The following FRMD4A variants were observed in gnomAD, a reference collection of about 807,000 sequenced individuals.
FRMD4A encodes FERM domain containing 4A.
FRMD4A carries 29 observed loss-of-function variants against 129.1 expected under a neutral mutation model. The ratio of observed to expected loss-of-function variants is 0.22; its 90% CI spans 0.17 to 0.31. The LOEUF (loss-of-function observed/expected upper bound fraction) is 0.31, where lower values mean the gene tolerates loss of function less well. FRMD4A is among the 10% of genes least tolerant of loss of function. FRMD4A has a pLI of 1.00. For synonymous variants in FRMD4A, 634 were observed against 571.6 expected (o/e 1.11, Z -1.56); for missense variants, 1,272 against 1,375.8 (o/e 0.92, Z 1.19).
intron 2 of FRMD4A, among the ~76,000 whole-genome samples, chr10:14,087,049 G>A (rs1836322060): frequency 6.6e-6 from 1 of 151,964 alleles, no homozygotes; most frequent in Non-Finnish European, 1.5e-5. Context: ...TGGGAATTGG[G>A]GTATGAACAC....
intron 2 of FRMD4A, among the ~76,000 whole-genome samples, chr10:13,932,556 C>T (rs2095210643): frequency 6.6e-6 from 1 of 152,172 alleles, no homozygotes; most frequent in African/African-American, 2.4e-5. Flanking sequence ...ATTGTGTTGC[C>T]TTCCTTAATC....
intron 3 of FRMD4A, among the ~76,000 whole-genome samples, chr10:13,824,894 CAAA>C (rs1165591899): frequency 1.1e-4 from 6 of 54,808 alleles, no homozygotes; most frequent in African/African-American, 3.3e-4. Context: ...GACTCTGTCT[CAAA>C]AAAAAAAAAA....
At chr10:14,303,739 T>A (rs1333801975) in intron 2 of FRMD4A, among the ~76,000 whole-genome samples, 2 of 152,138 alleles carry the variant, frequency 1.3e-5, no homozygotes, top group East Asian at 3.8e-4. Flanking sequence ...ATGGCAGCAG[T>A]AGCTTTTTCC....
chr10:14,330,295 G>T, intron 1 of FRMD4A, 112 bp from the exon 2 acceptor site: 1 of 530,078 alleles, frequency 1.9e-6, no homozygotes, highest in African/African-American at 2.0e-5. Context: ...GGTGGGAACT[G>T]TGCTTAGGGA....
intron 2 of FRMD4A, among the ~76,000 whole-genome samples, chr10:13,865,175 G>T (rs1273246321): frequency 1.3e-5 from 2 of 152,012 alleles, no homozygotes; most frequent in Non-Finnish European, 2.9e-5. Context: ...TTCCTTGTCT[G>T]TACAAGAGGG....
chr10:13,737,521 A>G (rs1477285697), intron 12 of FRMD4A, among the ~76,000 whole-genome samples: 2 of 152,188 alleles, frequency 1.3e-5, no homozygotes, highest in Admixed American at 6.5e-5. Context: ...TTTCCAAAGA[A>G]TACAGCCCTG....
intron 2 of FRMD4A, among the ~76,000 whole-genome samples, chr10:14,186,811 G>C (rs1842159607): frequency 6.6e-6 from 1 of 152,130 alleles, no homozygotes; most frequent in African/African-American, 2.4e-5. Context: ...TTGGACACAA[G>C]TTGTACCCTT....
intron 12 of FRMD4A, among the ~76,000 whole-genome samples, chr10:13,731,864 C>T (rs969407808): frequency 6.6e-6 from 1 of 151,880 alleles, no homozygotes; most frequent in African/African-American, 2.4e-5. Flanking sequence ...AAAATACTAC[C>T]GAAGTTGGCC....
At chr10:14,207,563 A>G (rs1202975865) in intron 2 of FRMD4A, among the ~76,000 whole-genome samples, 2 of 152,106 alleles carry the variant, frequency 1.3e-5, no homozygotes, top group African/African-American at 4.8e-5. Flanking sequence ...TGTATTAATT[A>G]CATTGTCCTT....
intron 3 of FRMD4A, among the ~76,000 whole-genome samples, chr10:13,836,717 C>G (rs2093879830): frequency 6.7e-6 from 1 of 150,104 alleles, no homozygotes; most frequent in Admixed American, 6.6e-5. Context: ...GAAAGACTGA[C>G]TAACCAGGGG....
intron 2 of FRMD4A, among the ~76,000 whole-genome samples, chr10:14,251,887 GCACACA>G (rs71388171): frequency 6.6e-6 from 1 of 150,690 alleles, no homozygotes; most frequent in Non-Finnish European, 1.5e-5. Flanking sequence ...GCACACATGT[GCACACA>G]CACACACACA....
Position 13,663,447 on chromosome 10 carries a change from A to G in FRMD4A, c.1660+6T>C, listed in dbSNP as rs1203994538. The G allele has an allele frequency of 1.4e-6, 2 of 1,427,396 alleles. No homozygotes were observed. Among genetic ancestry groups the G allele is most frequent in the Middle Eastern group, 1.8e-4 (1 of 5,688 alleles). The allele number at this position is 1,427,396 out of a possible 1,614,324, so 88.4% of individuals were successfully genotyped here. A position where few individuals can be genotyped will look rare whatever the true frequency, so the allele number is the denominator to read the frequency against. ...AGGTTTGTAAGCAGGAAATGCATAA[A>G]CCTACCATCCTCAAGAACAAGGGCA... On this transcript the variant is annotated splice_donor_region_variant and intron_variant, in intron 19 of 24. Coordinates refer to ENST00000357447, the MANE Select transcript of FRMD4A (RefSeq NM_018027.5).
intron 2 of FRMD4A, among the ~76,000 whole-genome samples, chr10:14,018,006 A>C (rs1309864560): frequency 2.6e-5 from 4 of 152,320 alleles, no homozygotes; most frequent in Admixed American, 2.6e-4. Context: ...GAGGATGAGT[A>C]GGGGATTCTA....
Position 13,693,955 on chromosome 10 carries a change from T to G in FRMD4A, c.1060A>C (p.Asn354His). 2 of 1,598,120 alleles carry G rather than the reference T, an allele frequency of 1.3e-6. No individual in the cohort carries two copies. The highest frequency in any genetic ancestry group is 1.7e-6 in the Non-Finnish European group (2 of 1,174,070). ...TGTLKTSKLA[N>H]MGSKGKIISG... is the part of the protein sequence containing the mutation. ...ATGATCTTCCCCTTGCTACCCATGT[T>G]GGCCAGCTTCGAGGTCTTCAGCGTC... Residue 354 changes from asparagine to histidine, a missense_variant, in exon 15 of 25, where the codon AAC (asparagine) becomes CAC (histidine). Transcript: ENST00000357447.
At chr10:14,326,492 T>C (rs918474062) in intron 2 of FRMD4A, 1 of 178,488 alleles carries the variant, frequency 5.6e-6, no homozygotes, top group African/African-American at 2.3e-5. Context: ...AATAGGGTCA[T>C]GGATGGAATT....
intron 2 of FRMD4A, among the ~76,000 whole-genome samples, chr10:14,229,883 C>T (rs1431841504): frequency 6.6e-6 from 1 of 152,230 alleles, no homozygotes. Context: ...ATCCTGTCCT[C>T]TCTACATGGG....
chr10:13,720,398 T>A (rs12219785), intron 12 of FRMD4A, among the ~76,000 whole-genome samples: 1 of 152,128 alleles, frequency 6.6e-6, no homozygotes, highest in African/African-American at 2.4e-5. Flanking sequence ...TCCACAGACA[T>A]AAGGAGGAGT....
At chr10:14,158,789 G>A (rs1221597864) in intron 2 of FRMD4A, among the ~76,000 whole-genome samples, 1 of 148,324 alleles carries the variant, frequency 6.7e-6, no homozygotes, top group Non-Finnish European at 1.5e-5. Flanking sequence ...AGAGGAGCAG[G>A]AGGAAGAAGA....
chr10:14,272,566 G>A (rs1286705081), intron 2 of FRMD4A, among the ~76,000 whole-genome samples: 1 of 152,136 alleles, frequency 6.6e-6, no homozygotes, highest in Non-Finnish European at 1.5e-5. Flanking sequence ...CCTAAAGGTA[G>A]GATCACTTTC....
Sources: gnomAD v4.1 joint callset for allele counts (sites outside exome capture counted in the v4.1 genomes callset) on GRCh38, gnomAD v4.1.1 for gene constraint, MANE v1.5 for transcripts, NCBI Gene and HGNC (gene_info 2026-07-23, HGNC 2026-07-21) for gene names.